Variants in SPAG9 observed in about 807,000 individuals in gnomAD.
SPAG9 encodes sperm associated antigen 9, also known as C-Jun-amino-terminal kinase-interacting protein 4.
In SPAG9, 35 loss-of-function variants were observed where a neutral mutation model predicts 166.5. That is an observed-to-expected ratio of 0.21 (90% CI 0.16 to 0.28). The LOEUF is 0.28. Ranked by LOEUF, SPAG9 falls within the 10% of genes least tolerant of loss-of-function variation. SPAG9 has a pLI of 1.00. For synonymous variants in SPAG9, 534 were observed against 565.5 expected (o/e 0.94, Z 0.79); for missense variants, 1,235 against 1,603.3 (o/e 0.77, Z 3.92).
intron 6 of SPAG9, 66 bp downstream of exon 6, chr17:51,031,615 G>T: frequency 9.2e-7 from 1 of 1,089,140 alleles, no homozygotes; most frequent in Non-Finnish European, 1.4e-6. Context: ...TAGCAGTTGA[G>T]GAAGTAATCA....
At chr17:51,051,657 T>A (rs763682386) in intron 3 of SPAG9, among the ~76,000 whole-genome samples, 2 of 151,864 alleles carry the variant, frequency 1.3e-5, no homozygotes, top group African/African-American at 4.8e-5. Context: ...GAGGCGGAGG[T>A]TGCAGTGGGC....
chr17:51,109,618 T>A (rs9908224), intron 1 of SPAG9, among the ~76,000 whole-genome samples: 7,722 of 152,212 alleles, frequency 0.051, 656 homozygotes, highest in African/African-American at 0.18. Context: ...TATAAACATA[T>A]TAAGAAGCTA....
At chr17:51,028,243 GTTAA>G (rs1213333136) in intron 6 of SPAG9, among the ~76,000 whole-genome samples, 64 of 152,014 alleles carry the variant, frequency 4.2e-4, no homozygotes, top group Admixed American at 2.9e-3. Flanking sequence ...GTAAGCTAAG[GTTAA>G]TTTATTATTG....
At chr17:50,970,661 G>T in intron 29 of SPAG9, 46 bp downstream of exon 29, 1 of 1,545,448 alleles carries the variant, frequency 6.5e-7, no homozygotes. Flanking sequence ...CAAAACCCAA[G>T]TCATAGCACA....
At chr17:51,011,528 G>A (rs1393755286) in intron 9 of SPAG9, among the ~76,000 whole-genome samples, 1 of 151,844 alleles carries the variant, frequency 6.6e-6, no homozygotes, top group Non-Finnish European at 1.5e-5. Context: ...GATTACAGGT[G>A]CACGCCACAA....
chr17:50,982,103 C>T (rs934906836), intron 25 of SPAG9, among the ~76,000 whole-genome samples: 2 of 151,574 alleles, frequency 1.3e-5, no homozygotes, highest in Non-Finnish European at 2.9e-5. Flanking sequence ...ATTTTTACAA[C>T]AAATTCCCAG....
At position 50,990,619 on chromosome 17, in the gene SPAG9, A is replaced by C. The variant is rs1975462798; in HGVS notation, c.2448T>G (p.Gly816=). The change falls in exon 20 of 30, where the codon GGT becomes GGG. Residue 816 remains glycine, a synonymous_variant. Transcript: ENST00000262013. The stretch of plus-strand genomic sequence containing the variant: ...CACATAAAGATGCTTTGTCTACCTG[A>C]CCAGATTCTGAAAGATCTTCTCCTG... ...YPAGEDLSES[G]QVDKASLCGS... is the part of the protein sequence containing the mutation. The C allele has an allele frequency of 8.7e-6, 14 of 1,614,088 alleles. No individual in the cohort carries two copies. The highest frequency in any genetic ancestry group is 2.2e-5 in the South Asian group (2 of 91,088).
At chr17:51,019,801 G>C (rs866417266) in intron 8 of SPAG9, among the ~76,000 whole-genome samples, 1 of 152,060 alleles carries the variant, frequency 6.6e-6, no homozygotes, top group Non-Finnish European at 1.5e-5. Context: ...GCGGTGAGCC[G>C]AGATCGCACC....
chr17:50,999,540 C>G, intron 14 of SPAG9, 121 bp downstream of exon 14: 2 of 1,453,342 alleles, frequency 1.4e-6, no homozygotes, highest in Non-Finnish European at 1.8e-6. Flanking sequence ...ACCATTACCC[C>G]TAGTTTAAAA....
chr17:51,114,398 A>G (rs886181092), intron 1 of SPAG9, among the ~76,000 whole-genome samples: 2 of 151,372 alleles, frequency 1.3e-5, no homozygotes, highest in Admixed American at 6.6e-5. Flanking sequence ...TTGGCAGGCC[A>G]AGGTAGGCAG....
At chr17:50,982,858 C>T (rs1974759879) in intron 24 of SPAG9, among the ~76,000 whole-genome samples, 186 bp from the exon 25 acceptor site, 1 of 152,070 alleles carries the variant, frequency 6.6e-6, no homozygotes, top group Non-Finnish European at 1.5e-5. Context: ...TGGAAGAGAC[C>T]CTCAAAGGTC....
At chr17:51,115,780 A>G (rs1489842733) in intron 1 of SPAG9, among the ~76,000 whole-genome samples, 1 of 152,060 alleles carries the variant, frequency 6.6e-6, no homozygotes, top group Non-Finnish European at 1.5e-5. Flanking sequence ...CAGTGAGCCG[A>G]GATGGCACCA....
chr17:50,972,718 G>C (rs1400116494), intron 28 of SPAG9, among the ~76,000 whole-genome samples: 1 of 152,250 alleles, frequency 6.6e-6, no homozygotes, highest in African/African-American at 2.4e-5. Flanking sequence ...GGATAGGATA[G>C]TCTGACGTAT....
intron 2 of SPAG9, among the ~76,000 whole-genome samples, chr17:51,059,310 G>T (rs944079143): frequency 2.8e-4 from 43 of 152,118 alleles, no homozygotes; most frequent in African/African-American, 9.2e-4. Flanking sequence ...ACTTTCCTCT[G>T]CTTGAATACT....
rs571718841 is a variant in SPAG9, at chr17:51,019,317, G to A, written c.1091+842C>T. ...TCATGCCTGTAATCTCAGCACTTTG[G>A]GAGGCCGAGGCAGGCTGATCACCTC... On this transcript the variant is annotated intron_variant, in intron 8 of 29. Coordinates refer to ENST00000262013, the MANE Select transcript of SPAG9 (RefSeq NM_001130528.3). Among the ~76,000 whole-genome samples, 60 of 152,302 alleles carry A rather than the reference G, an allele frequency of 3.9e-4. No homozygotes were observed. The South Asian group carries it at 0.011, about 29-fold the overall frequency.
intron 2 of SPAG9, among the ~76,000 whole-genome samples, chr17:51,071,617 A>G (rs1052776220): frequency 6.6e-6 from 1 of 152,236 alleles, no homozygotes; most frequent in African/African-American, 2.4e-5. Flanking sequence ...TTATAGACTC[A>G]ACTTTTCAAC....
chr17:50,981,821 G>C (rs1488991975), intron 25 of SPAG9, among the ~76,000 whole-genome samples: 1 of 151,714 alleles, frequency 6.6e-6, no homozygotes, highest in Non-Finnish European at 1.5e-5. Flanking sequence ...CACGAGGTTG[G>C]GAGTTCGAGA....
intron 2 of SPAG9, among the ~76,000 whole-genome samples, chr17:51,078,119 T>C (rs2048067117): frequency 6.6e-6 from 1 of 152,088 alleles, no homozygotes; most frequent in Non-Finnish European, 1.5e-5. Flanking sequence ...ATGGTAGAAA[T>C]CATAGAAGTC....
At chr17:51,109,351 T>C (rs1024627230) in intron 1 of SPAG9, among the ~76,000 whole-genome samples, 4 of 151,758 alleles carry the variant, frequency 2.6e-5, no homozygotes, top group African/African-American at 9.7e-5. Context: ...ATTCTCTTGC[T>C]TCAGCCTCCG....
Sources: gnomAD v4.1 joint callset for allele counts (sites outside exome capture counted in the v4.1 genomes callset) on GRCh38, gnomAD v4.1.1 for gene constraint, MANE v1.5 for transcripts, NCBI Gene and HGNC (gene_info 2026-07-23, HGNC 2026-07-21) for gene names.